The following KIF1A variants were observed in gnomAD, a reference collection of about 807,000 sequenced individuals.
KIF1A encodes kinesin family member 1A, also known as kinesin-like protein KIF1A.
Under a neutral mutation model 227.3 loss-of-function variants are expected in KIF1A, and 46 were observed. The ratio of observed to expected loss-of-function variants is 0.20; its 90% confidence interval spans 0.16 to 0.26. The LOEUF (loss-of-function observed/expected upper bound fraction) is 0.26, where lower values mean the gene tolerates loss of function less well. Ranked by LOEUF, KIF1A falls within the 10% of genes least tolerant of loss-of-function variation. KIF1A has a pLI of 1.00. For synonymous variants in KIF1A, 1,022 were observed against 1,012.8 expected, an observed-to-expected ratio of 1.01 and a Z score of -0.17; for missense variants, 1,683 against 2,485.9, an observed-to-expected ratio of 0.68 and a Z score of 6.87.
intron 1 of KIF1A, among the ~76,000 whole-genome samples, chr2:240,819,538 C>G (rs1234900405): frequency 6.6e-6 from 1 of 151,716 alleles, no homozygotes; most frequent in African/African-American, 2.4e-5. Flanking sequence ...GTTTTGCTCC[C>G]GGCTCCAGCA....
intron 8 of KIF1A, among the ~76,000 whole-genome samples, 152 bp downstream of exon 8, chr2:240,783,586 CA>C (rs1257947333): frequency 6.6e-6 from 1 of 152,200 alleles, no homozygotes; most frequent in East Asian, 1.9e-4. Context: ...CGGCTGCTGG[CA>C]GCCCAAGACC....
chr2:240,772,898 C>T (rs569273779), intron 13 of KIF1A, among the ~76,000 whole-genome samples: 1 of 152,312 alleles, frequency 6.6e-6, no homozygotes, highest in South Asian at 2.1e-4. Flanking sequence ...TCCAGGGCCC[C>T]CGCCCGGCCT....
intron 10 of KIF1A, among the ~76,000 whole-genome samples, chr2:240,779,331 G>C (rs1329773032): frequency 2.3e-5 from 3 of 130,926 alleles, no homozygotes; most frequent in Non-Finnish European, 3.1e-5. Context: ...TCCTCACTCA[G>C]TTCCTCATAG....
At position 240,773,211 on chromosome 2, in the gene KIF1A, A is replaced by G; in HGVS notation, c.1083T>C (p.Asn361=). ...GGATCAGCTTGTTGTTGGGGTCCTC[A>G]TTGATGACAGCATTGCAGCGGATCT... ...AKQIRCNAVI[N]EDPNNKLIRE... is the part of the protein sequence containing the mutation. The change falls in exon 13 of 49, where the codon AAT becomes AAC. Residue 361 remains asparagine (N), a synonymous_variant. Coordinates refer to ENST00000498729, the MANE Select transcript of KIF1A (RefSeq NM_001244008.2). The G allele has an allele frequency of 6.2e-7, 1 of 1,613,950 alleles. No homozygotes were observed. The highest frequency in any genetic ancestry group is 8.5e-7 in the Non-Finnish European group (1 of 1,179,846).
intron 5 of KIF1A, among the ~76,000 whole-genome samples, chr2:240,786,742 G>A (rs1441799451): frequency 7.3e-6 from 1 of 136,408 alleles, no homozygotes; most frequent in African/African-American, 3.0e-5. Context: ...GCTGCCTGCT[G>A]GGCCCCTGAG....
rs2125553497 is a variant in KIF1A at position 240,717,388 on chromosome 2, C to T, written c.5352G>A (p.Arg1784=). 6.2e-7 allele frequency: 1 copy of T among 1,611,950 alleles called. No homozygotes were observed. Among genetic ancestry groups the T allele is most frequent in the Non-Finnish European group, 8.5e-7 (1 of 1,179,614 alleles). Residue 1784 remains arginine (R), a synonymous_variant, in exon 49 of 49, where the codon AGG becomes AGA. Coordinates refer to ENST00000498729, the MANE Select transcript of KIF1A (RefSeq NM_001244008.2). Reference sequence around the variant, plus strand: ...TTCAGACCCGCATCTGGGCAGACCTCCTTCTGGAGAGCTTGGACCTGCAGA... The same window carrying T: ...TTCAGACCCGCATCTGGGCAGACCTTCTTCTGGAGAGCTTGGACCTGCAGA... The part of the protein sequence containing the change: ...AGTIRSKLSR[R]RSAQMRV
intron 45 of KIF1A, chr2:240,720,286 C>T (rs2241680): frequency 0.15 from 27,108 of 186,692 alleles, 2,065 homozygotes; most frequent in African/African-American, 0.18. Context: ...GAAGGTGACA[C>T]GAGGTTCCAA....
At chr2:240,742,280 CT>C in intron 34 of KIF1A, among the ~76,000 whole-genome samples, 1 of 152,338 alleles carries the variant, frequency 6.6e-6, no homozygotes, top group Middle Eastern at 3.4e-3. Context: ...GGCCCCTACC[CT>C]CTGGGGTGCT....
intron 47 of KIF1A, 53 bp from the exon 48 acceptor site, chr2:240,718,221 C>T (rs2044794691): frequency 8.1e-7 from 1 of 1,228,710 alleles, no homozygotes; most frequent in African/African-American, 1.5e-5. Flanking sequence ...GTCAGCACAC[C>T]ACCCTCCTGC....
intron 1 of KIF1A, among the ~76,000 whole-genome samples, chr2:240,814,163 A>G (rs555379728): frequency 6.6e-6 from 1 of 152,280 alleles, no homozygotes; most frequent in African/African-American, 2.4e-5. Flanking sequence ...TTACGAACAA[A>G]TAGAAGTAGA....
chr2:240,812,689 C>T (rs1042231750), intron 1 of KIF1A, among the ~76,000 whole-genome samples: 1 of 150,490 alleles, frequency 6.6e-6, no homozygotes, highest in Admixed American at 6.6e-5. Context: ...GCCTTCACCT[C>T]GAGATCCACC....
chr2:240,788,439 G>A lies in KIF1A; in HGVS notation c.184-209C>T, dbSNP rs1468159368. 2.0e-5 allele frequency among the ~76,000 whole-genome samples: 3 copies of A among 152,142 alleles called. No homozygotes were observed. Among genetic ancestry groups the A allele is most frequent in the Non-Finnish European group, 4.4e-5 (3 of 68,022 alleles). On this transcript the variant is annotated intron_variant, in intron 3 of 48. Transcript: ENST00000498729. This position sits in a 1 kb window ranked among gnomAD's most constrained non-coding sequence, Gnocchi z 6.6. Reference sequence around the variant, plus strand: ...GTGTCACAGATGCGGGATGAAGAGCGGCCAGCCAGGCAGGAGGCAGGACGG... The same window carrying A: ...GTGTCACAGATGCGGGATGAAGAGCAGCCAGCCAGGCAGGAGGCAGGACGG...
rs1450902008 is a variant in KIF1A, at chr2:240,792,904, G to A, written c.107-3592C>T. Among the ~76,000 whole-genome samples, 2 of 152,180 alleles carry A rather than the reference G, an allele frequency of 1.3e-5. No homozygotes were observed. Among genetic ancestry groups the A allele is most frequent in the African/African-American group, 2.4e-5 (1 of 41,440 alleles). On this transcript the variant is annotated intron_variant, in intron 2 of 48. Coordinates refer to ENST00000498729, the MANE Select transcript of KIF1A (RefSeq NM_001244008.2). This position sits in a 1 kb window ranked among gnomAD's most constrained non-coding sequence, Gnocchi z 4.5. Reference sequence around the variant, plus strand: ...CAGGCTGGGAAGACAGCCCTCCCACGATCTAGACCTGTGGGCATCTTGATT... The same window carrying A: ...CAGGCTGGGAAGACAGCCCTCCCACAATCTAGACCTGTGGGCATCTTGATT...
chr2:240,795,285 G>A (rs188919551), intron 2 of KIF1A, among the ~76,000 whole-genome samples: 1 of 152,270 alleles, frequency 6.6e-6, no homozygotes, highest in Admixed American at 6.5e-5. Context: ...ATGTCTTCAG[G>A]GCCAGACGGG....
Position 240,740,096 on chromosome 2 carries a change from C to T in KIF1A, c.3863G>A (p.Ser1288Asn). ...GCGCACTTCCTTCCAGCGGATATGG[C>T]TGCCTGTCTCATGCAGTAGTGTCAC... ...ITVTLLHETG[S>N]HIRWKEVREL... The change falls in exon 37 of 49, where the codon AGC becomes AAC. Residue 1288 changes from serine (S) to asparagine (N), a missense_variant. By Grantham distance (46) the Ser-to-Asn change is conservative. This residue lies in a region of KIF1A where 759 missense variants were observed against 1,020.2 expected (regional missense o/e 0.74). Transcript: ENST00000498729. This position sits in a 1 kb window ranked among gnomAD's most constrained non-coding sequence, Gnocchi z 6.1. The T allele has an allele frequency of 6.3e-7, 1 of 1,590,010 alleles. No homozygotes were observed. Among genetic ancestry groups the T allele is most frequent in the Non-Finnish European group, 8.6e-7 (1 of 1,168,838 alleles).
intron 6 of KIF1A, 102 bp from the exon 7 acceptor site, chr2:240,785,202 T>C (rs1014349890): frequency 2.7e-5 from 26 of 947,536 alleles, no homozygotes; most frequent in Non-Finnish European, 4.1e-5. Flanking sequence ...GGGGGGGCAG[T>C]TCCCCCAGAC....
At chr2:240,819,485 G>A (rs933115910) in intron 1 of KIF1A, among the ~76,000 whole-genome samples, 5 of 152,112 alleles carry the variant, frequency 3.3e-5, no homozygotes, top group African/African-American at 9.7e-5. Flanking sequence ...GCAACGAAGC[G>A]GGTGGCCAGG....
chr2:240,732,344 A>G (rs2046794749), intron 38 of KIF1A, among the ~76,000 whole-genome samples: 3 of 108,146 alleles, frequency 2.8e-5, no homozygotes, highest in African/African-American at 1.2e-4. Flanking sequence ...TGAAGGAGTG[A>G]GGGAGAGAGG....
chr2:240,791,542 C>G (rs4676445), intron 2 of KIF1A, among the ~76,000 whole-genome samples: 6,874 of 61,618 alleles, frequency 0.11, 814 homozygotes, highest in African/African-American at 0.24. Context: ...CGCCTCACCC[C>G]GCTGCACTCA....
Sources: gnomAD v4.1 joint callset for allele counts (sites outside exome capture counted in the v4.1 genomes callset) on GRCh38, gnomAD v4.1.1 for gene constraint, gnomAD v4.1.1 regional missense constraint, Gnocchi (gnomAD v3.1) non-coding constraint, MANE v1.5 for transcripts, NCBI Gene and HGNC (gene_info 2026-07-23, HGNC 2026-07-21) for gene names.